Variants in CALN1 observed in about 807,000 individuals in gnomAD.
CALN1 encodes the protein calcium-binding protein 8.
A neutral mutation model predicts 30.6 loss-of-function variants in CALN1; 17 were observed. The ratio of observed to expected loss-of-function variants is 0.56; its 90% CI spans 0.38 to 0.83. The LOEUF (loss-of-function observed/expected upper bound fraction) is 0.83, where lower values mean the gene tolerates loss of function less well. CALN1 is among the 40% of genes least tolerant of loss of function. CALN1 has a pLI of 0.00. For synonymous variants in CALN1, 156 were observed against 131.4 expected, an observed-to-expected ratio of 1.19 and a Z score of -1.28; for missense variants, 291 against 354.9, an observed-to-expected ratio of 0.82 and a Z score of 1.45.
intron 3 of CALN1, among the ~76,000 whole-genome samples, chr7:72,188,768 T>G (rs992502924): frequency 1.3e-5 from 2 of 152,152 alleles, no homozygotes; most frequent in African/African-American, 4.8e-5. Flanking sequence ...CCTGCAATAT[T>G]TTATTAGGAT....
intron 5 of CALN1, among the ~76,000 whole-genome samples, chr7:71,829,922 C>T (rs182834414): frequency 1.5e-4 from 23 of 152,228 alleles, no homozygotes; most frequent in Admixed American, 2.6e-4. Flanking sequence ...AACAGACAAG[C>T]ATGTATTACA....
intron 3 of CALN1, among the ~76,000 whole-genome samples, chr7:72,259,587 C>G (rs1796139605): frequency 6.6e-6 from 1 of 152,162 alleles, no homozygotes; most frequent in Non-Finnish European, 1.5e-5. Flanking sequence ...GAATCCCACT[C>G]CCACCAATTA....
intron 5 of CALN1, among the ~76,000 whole-genome samples, chr7:71,889,627 C>G (rs1387033951): frequency 6.6e-6 from 1 of 152,090 alleles, no homozygotes; most frequent in Admixed American, 6.5e-5. Context: ...TATTCCAACC[C>G]CACACCATGG....
In CALN1 at chr7:72,031,600, C is replaced by T. The variant is rs187926379; in HGVS notation, c.389-7831G>A. On this transcript the variant is annotated intron_variant, in intron 4 of 6. Coordinates refer to ENST00000395275, the MANE Select transcript of CALN1 (RefSeq NM_031468.4). The stretch of plus-strand genomic sequence containing the variant: ...TTTTCTGTTTTGCTAGAGACAGGAT[C>T]TCACTCTGTCACCCAGAAGTGCAGT... 7.2e-5 allele frequency among the ~76,000 whole-genome samples: 11 copies of T among 152,266 alleles called. No individual in the cohort carries two copies. In the East Asian group the frequency reaches 2.1e-3, roughly 29 times the overall value.
chr7:71,785,050 A>C lies in CALN1; in HGVS notation c.*2725T>G, dbSNP rs1792913581. On this transcript the variant is annotated 3_prime_UTR_variant, in exon 7 of 7. Transcript: ENST00000395275. Reference sequence around the variant, plus strand: ...AACTCTGAGCTCCTGAAGTCTAAGGAATGCCGCTAGCTCAGGGCCGTCTCC... The same window carrying C: ...AACTCTGAGCTCCTGAAGTCTAAGGCATGCCGCTAGCTCAGGGCCGTCTCC... 1 of 394,928 alleles carries C rather than the reference A, an allele frequency of 2.5e-6. No homozygotes were observed. Among genetic ancestry groups the C allele is most frequent in the African/African-American group, 2.1e-5 (1 of 48,550 alleles). The allele number at this position is 394,928 out of a possible 1,614,324, so 24.5% of individuals were successfully genotyped here. A position where few individuals can be genotyped will look rare whatever the true frequency, so the allele number is the denominator to read the frequency against.
chr7:72,136,850 C>T (rs1370580097), intron 3 of CALN1, among the ~76,000 whole-genome samples: 1 of 152,114 alleles, frequency 6.6e-6, no homozygotes, highest in Admixed American at 6.5e-5. Flanking sequence ...GTGGAGCAGT[C>T]AGAACACACA....
At chr7:72,408,699 C>T (rs1199280495) in intron 1 of CALN1, among the ~76,000 whole-genome samples, 3 of 1,728 alleles carry the variant, frequency 1.7e-3, no homozygotes, top group Admixed American at 4.8e-3. Context: ...TTTTTTGAGA[C>T]AGGGTTGCAC....
chr7:72,180,642 G>A (rs1789709718), intron 3 of CALN1, among the ~76,000 whole-genome samples: 1 of 129,858 alleles, frequency 7.7e-6, no homozygotes, highest in African/African-American at 2.8e-5. Flanking sequence ...GGATCTCACA[G>A]TGTGGGTCAT....
At chr7:72,245,164 C>T (rs544700510) in intron 3 of CALN1, among the ~76,000 whole-genome samples, 1 of 152,280 alleles carries the variant, frequency 6.6e-6, no homozygotes, top group African/African-American at 2.4e-5. Flanking sequence ...TTCCCTCCTC[C>T]CTCTGAACTG....
chr7:72,464,612 A>T, the CALN1 span, among the ~76,000 whole-genome samples: 2 of 152,096 alleles, frequency 1.3e-5, no homozygotes, highest in African/African-American at 2.4e-5. Context: ...CCCACCTAAG[A>T]TCATACATTG....
At chr7:72,336,053 G>C (rs1265416339) in intron 2 of CALN1, among the ~76,000 whole-genome samples, 1 of 152,158 alleles carries the variant, frequency 6.6e-6, no homozygotes, top group Non-Finnish European at 1.5e-5. Flanking sequence ...TTGGAGCTCA[G>C]AGACTAGGTC....
the CALN1 span, among the ~76,000 whole-genome samples, chr7:72,469,922 G>T: frequency 1.3e-5 from 2 of 152,138 alleles, no homozygotes; most frequent in Non-Finnish European, 2.9e-5. Flanking sequence ...TGAAATTGTG[G>T]CTTCACGTCC....
chr7:72,311,760 C>G (rs996920865), intron 2 of CALN1, among the ~76,000 whole-genome samples: 32 of 145,912 alleles, frequency 2.2e-4, no homozygotes, highest in Non-Finnish European at 4.5e-4. Context: ...GCCTCCCAAA[C>G]TGCTGAGATT....
chr7:72,025,771 C>A (rs972006034), intron 4 of CALN1, among the ~76,000 whole-genome samples: 7 of 152,308 alleles, frequency 4.6e-5, no homozygotes, highest in South Asian at 2.1e-4. Context: ...CAAATGCCCA[C>A]ACATAAATCA....
At chr7:72,324,550 A>T (rs959348243) in intron 2 of CALN1, among the ~76,000 whole-genome samples, 10 of 101,382 alleles carry the variant, frequency 9.9e-5, no homozygotes, top group African/African-American at 3.0e-4. Flanking sequence ...CCCTCCTTTT[A>T]AATGATGTAA....
intron 1 of CALN1, among the ~76,000 whole-genome samples, chr7:72,407,091 C>CT (rs1475670466): frequency 6.6e-6 from 1 of 152,164 alleles, no homozygotes. Flanking sequence ...ACCTGCATCA[C>CT]TTTTACCAAC....
At chr7:72,362,944 C>T (rs1803655148) in intron 2 of CALN1, among the ~76,000 whole-genome samples, 2 of 152,220 alleles carry the variant, frequency 1.3e-5, no homozygotes, top group African/African-American at 4.8e-5. Context: ...CCTGTCCCGT[C>T]ACAGGCCAGC....
chr7:72,460,721 G>A, the CALN1 span, among the ~76,000 whole-genome samples: 12 of 152,198 alleles, frequency 7.9e-5, no homozygotes, highest in South Asian at 2.1e-4. Flanking sequence ...TATACATCTC[G>A]AGTGAAGTCT....
chr7:71,796,383 G>C lies in CALN1; in HGVS notation c.659-8481C>G, dbSNP rs368096651. On this transcript the variant is annotated intron_variant, in intron 6 of 6. Transcript: ENST00000395275. ...CTTTTTTTTTTTTTTTTTTTGAGACGGAGTCTCACACTGTCGCCCGGGCTG... is the reference window on the plus strand; with the variant it reads ...CTTTTTTTTTTTTTTTTTTTGAGACCGAGTCTCACACTGTCGCCCGGGCTG... 6.4e-5 allele frequency among the ~76,000 whole-genome samples: 9 copies of C among 140,858 alleles called. No individual in the cohort carries two copies. The East Asian group carries it at 1.5e-3, about 23-fold the overall frequency. The allele number at this position is 140,858 out of a possible 152,430, so 92.4% of individuals were successfully genotyped here.
Sources: allele counts gnomAD v4.1 joint callset (sites outside exome capture counted in the v4.1 genomes callset), GRCh38; gene constraint gnomAD v4.1.1; transcripts MANE v1.5; gene names NCBI Gene and HGNC (gene_info 2026-07-23, HGNC 2026-07-21).